The following SLC4A5 variants were observed in gnomAD, a reference collection of about 807,000 sequenced individuals.
SLC4A5 encodes electrogenic sodium bicarbonate cotransporter 4.
SLC4A5 carries 96 observed loss-of-function variants against 120.4 expected under a neutral mutation model. The ratio of observed to expected loss-of-function variants is 0.80; its 90% CI spans 0.68 to 0.94. The LOEUF (loss-of-function observed/expected upper bound fraction) is 0.94. Among genes scored for constraint, SLC4A5 ranks in the 40% least tolerant of loss-of-function variants. The pLI is 0.00. For synonymous variants in SLC4A5, 550 were observed against 571.1 expected, an observed-to-expected ratio of 0.96 and a Z score of 0.53; for missense variants, 1,259 against 1,459.5, an observed-to-expected ratio of 0.86 and a Z score of 2.24.
chr2:74,252,894 G>A (rs1670837085), intron 15 of SLC4A5, 80 bp downstream of exon 15: 2 of 1,511,542 alleles, frequency 1.3e-6, no homozygotes, highest in Non-Finnish European at 1.8e-6. Flanking sequence ...AGCCTCAGAT[G>A]TATTTTAAAG....
chr2:74,250,471 A>C (rs773935982), exon 17 of SLC4A5: 1 of 1,614,226 alleles, frequency 6.2e-7, no homozygotes. Flanking sequence ...TCACTTGGGA[A>C]CCAGGGCAAC....
At chr2:74,274,517 G>A (rs1393166295) in intron 8 of SLC4A5, among the ~76,000 whole-genome samples, 3 of 152,174 alleles carry the variant, frequency 2.0e-5, no homozygotes, top group Non-Finnish European at 4.4e-5. Flanking sequence ...AAAGACTGAG[G>A]GGGCAGGCAT....
intron 13 of SLC4A5, among the ~76,000 whole-genome samples, chr2:74,254,991 T>C (rs1481726167): frequency 6.6e-6 from 1 of 151,944 alleles, no homozygotes; most frequent in Non-Finnish European, 1.5e-5. Flanking sequence ...GGCTAATTTT[T>C]TGTATTTTCA....
intron 25 of SLC4A5, 52 bp from the exon 26 acceptor site, chr2:74,227,930 C>A: frequency 7.0e-7 from 1 of 1,427,978 alleles, no homozygotes; most frequent in Admixed American, 2.4e-5. Context: ...CGGCCCTTGG[C>A]CACCCTGTTC....
intron 12 of SLC4A5, among the ~76,000 whole-genome samples, chr2:74,256,474 C>T (rs945969917): frequency 7.9e-5 from 12 of 152,210 alleles, no homozygotes; most frequent in African/African-American, 2.9e-4. Flanking sequence ...GACTTCCATG[C>T]CCCCACATTA....
chr2:74,315,004 T>G, exon 6 of SLC4A5: 1 of 1,613,854 alleles, frequency 6.2e-7, no homozygotes, highest in Non-Finnish European at 8.5e-7. Flanking sequence ...TACCCCAGCC[T>G]TCTCCTCCTT....
At chr2:74,301,848 G>A (rs934928202) in intron 7 of SLC4A5, among the ~76,000 whole-genome samples, 1 of 152,196 alleles carries the variant, frequency 6.6e-6, no homozygotes, top group African/African-American at 2.4e-5. Flanking sequence ...TTTGTTACCA[G>A]GCTTTGTGGC....
chr2:74,314,753 C>A (rs1002180823), intron 6 of SLC4A5, among the ~76,000 whole-genome samples, 192 bp downstream of exon 6: 1 of 152,196 alleles, frequency 6.6e-6, no homozygotes, highest in South Asian at 2.1e-4. Context: ...AGTTTCCTGT[C>A]TCCAGCTTGA....
chr2:74,226,940 G>A lies in SLC4A5; in HGVS notation c.3090+17C>T, dbSNP rs757079040. The stretch of plus-strand genomic sequence containing the variant: ...CCAACCTGCCAGGCAGGAGGGGGAA[G>A]CCCGTGCCCACTTTACCATGACCGG... On this transcript the variant is annotated intron_variant, in intron 27 of 30. Coordinates refer to ENST00000394019, the Ensembl canonical transcript of SLC4A5. 6.2e-7 allele frequency: 1 copy of A among 1,608,242 alleles called. No individual in the cohort carries two copies.
chr2:74,225,227 G>A (rs1694801963), intron 27 of SLC4A5, among the ~76,000 whole-genome samples: 3 of 152,150 alleles, frequency 2.0e-5, no homozygotes, highest in Admixed American at 6.6e-5. Flanking sequence ...TGACCAAGAG[G>A]GACGGAGCCT....
chr2:74,241,163 A>C (rs535058059), intron 20 of SLC4A5, among the ~76,000 whole-genome samples: 30 of 152,180 alleles, frequency 2.0e-4, no homozygotes, highest in African/African-American at 7.2e-4. Flanking sequence ...GAAGGCAGAA[A>C]AATGAATGGC....
chr2:74,297,333 G>C (rs1461575204), intron 7 of SLC4A5, among the ~76,000 whole-genome samples: 1 of 152,094 alleles, frequency 6.6e-6, no homozygotes, highest in Non-Finnish European at 1.5e-5. Context: ...GTAGCAATCT[G>C]GCATGAACAA....
chr2:74,253,478 C>T (rs1274666960), intron 14 of SLC4A5, among the ~76,000 whole-genome samples: 1 of 152,184 alleles, frequency 6.6e-6, no homozygotes, highest in Non-Finnish European at 1.5e-5. Flanking sequence ...TATTTCATAA[C>T]CATTTTTTAC....
At chr2:74,266,354 G>A (rs548663307) in intron 8 of SLC4A5, among the ~76,000 whole-genome samples, 163 of 152,120 alleles carry the variant, frequency 1.1e-3, no homozygotes, top group African/African-American at 3.8e-3. Context: ...CTGCAGCCTC[G>A]ACCACCTGTG....
chr2:74,332,716 T>TGTGTGTGTGC (rs1160356012), intron 4 of SLC4A5, among the ~76,000 whole-genome samples: 1 of 151,926 alleles, frequency 6.6e-6, no homozygotes, highest in African/African-American at 2.4e-5. Context: ...TGTGTGTGTG[T>TGTGTGTGTGC]GTGTGTGTGC....
chr2:74,287,716 C>T (rs528067255), intron 7 of SLC4A5, among the ~76,000 whole-genome samples: 1 of 152,284 alleles, frequency 6.6e-6, no homozygotes, highest in South Asian at 2.1e-4. Flanking sequence ...AGAATAAAGG[C>T]CTCCAGGCAT....
At chr2:74,303,015 A>G (rs898747475) in intron 7 of SLC4A5, among the ~76,000 whole-genome samples, 1 of 127,094 alleles carries the variant, frequency 7.9e-6, no homozygotes, top group African/African-American at 3.9e-5. Context: ...CCTGAGCAGG[A>G]CTGTGTGTGT....
At chr2:74,305,542 C>CTA (rs1672614895) in intron 6 of SLC4A5, among the ~76,000 whole-genome samples, 1 of 152,000 alleles carries the variant, frequency 6.6e-6, no homozygotes. Flanking sequence ...TTATTATTAA[C>CTA]TATATAGTTT....
intron 14 of SLC4A5, among the ~76,000 whole-genome samples, chr2:74,254,301 T>A (rs998450372): frequency 6.6e-6 from 1 of 152,198 alleles, no homozygotes; most frequent in Non-Finnish European, 1.5e-5. Context: ...AATGCTTGCC[T>A]CACAGCCTGG....
Sources: gnomAD v4.1 joint callset for allele counts (sites outside exome capture counted in the v4.1 genomes callset) on GRCh38, gnomAD v4.1.1 for gene constraint, MANE v1.5 for transcripts, NCBI Gene and HGNC (gene_info 2026-07-23, HGNC 2026-07-21) for gene names.